Variants in TPD52L1 observed in about 807,000 individuals in gnomAD.
TPD52L1 encodes TPD52 like 1, also known as tumor protein D53.
In TPD52L1, 18 loss-of-function variants were observed where a neutral mutation model predicts 28.7. The observed-to-expected ratio is 0.63, with a 90% CI of 0.43 to 0.93. TPD52L1 has a LOEUF of 0.93. Ranked by LOEUF, TPD52L1 falls within the 40% of genes least tolerant of loss-of-function variation. The pLI is 0.00. For synonymous variants in TPD52L1, 75 were observed against 88.8 expected, an observed-to-expected ratio of 0.84 and a Z score of 0.88; for missense variants, 203 against 254.8, an observed-to-expected ratio of 0.80 and a Z score of 1.39.
intron 3 of TPD52L1, among the ~76,000 whole-genome samples, chr6:125,243,715 GT>G (rs1796756484): frequency 6.6e-6 from 1 of 151,858 alleles, no homozygotes; most frequent in East Asian, 1.9e-4. Context: ...TTTGTTTTAA[GT>G]TTCTTTAAGT....
chr6:125,223,470 A>G (rs1795390076), intron 2 of TPD52L1, among the ~76,000 whole-genome samples: 1 of 152,146 alleles, frequency 6.6e-6, no homozygotes. Context: ...GCACTTTGGG[A>G]GGCCGAGGTG....
intron 1 of TPD52L1, among the ~76,000 whole-genome samples, chr6:125,172,157 T>TTTTTCTTTC (rs1791423738): frequency 1.9e-5 from 1 of 54,010 alleles, no homozygotes; most frequent in Non-Finnish European, 3.4e-5. Context: ...TCTTTCTTTC[T>TTTTTCTTTC]TTTCTTTCTT....
At position 125,153,833 on chromosome 6, in the gene TPD52L1, G is replaced by T. The variant is rs113558011; in HGVS notation, c.-119G>T. On this transcript the variant is annotated 5_prime_UTR_variant, in exon 1 of 7. Transcript: ENST00000534000. ...CCCCTCCGCGCAGCGCTCGCGACAC[G>T]CGTGCCAGGAGTGGGAGCGAGCGGC... 3.3e-6 allele frequency: 4 copies of T among 1,194,986 alleles called. No individual in the cohort carries two copies. The highest frequency in any genetic ancestry group is 4.5e-6 in the Non-Finnish European group (4 of 883,278). 74.0% of individuals were successfully genotyped at this position (1,194,986 alleles called of 1,614,324 possible).
chr6:125,199,757 A>T (rs1029030928), intron 1 of TPD52L1, among the ~76,000 whole-genome samples: 1 of 152,262 alleles, frequency 6.6e-6, no homozygotes, highest in Non-Finnish European at 1.5e-5. Flanking sequence ...TAAATGTGCT[A>T]GAATTGAGCA....
intron 1 of TPD52L1, among the ~76,000 whole-genome samples, chr6:125,188,831 G>A (rs1792839098): frequency 6.6e-6 from 1 of 152,180 alleles, no homozygotes; most frequent in Non-Finnish European, 1.5e-5. Context: ...AGAGACAGTT[G>A]CTCAGTGAGG....
intron 6 of TPD52L1, chr6:125,261,445 T>G (rs952022334): frequency 6.6e-6 from 1 of 152,164 alleles, no homozygotes. Context: ...AATAGCAACA[T>G]TATTTATTCT....
chr6:125,208,128 A>T (rs1794269814), intron 1 of TPD52L1, among the ~76,000 whole-genome samples: 1 of 152,194 alleles, frequency 6.6e-6, no homozygotes, highest in Non-Finnish European at 1.5e-5. Context: ...TTTGGGCATG[A>T]CTCATAGAGA....
intron 1 of TPD52L1, among the ~76,000 whole-genome samples, chr6:125,180,558 T>C (rs904205078): frequency 2.8e-5 from 4 of 142,022 alleles, no homozygotes; most frequent in Non-Finnish European, 4.5e-5. Context: ...CACACACACA[T>C]ATATTATATA....
intron 1 of TPD52L1, among the ~76,000 whole-genome samples, chr6:125,159,602 C>A (rs1315288979): frequency 6.6e-6 from 1 of 152,188 alleles, no homozygotes; most frequent in Non-Finnish European, 1.5e-5. Context: ...TTAATGACAT[C>A]TAGAATGGTG....
At chr6:125,221,043 C>T (rs1795196144) in intron 2 of TPD52L1, among the ~76,000 whole-genome samples, 1 of 152,168 alleles carries the variant, frequency 6.6e-6, no homozygotes, top group South Asian at 2.1e-4. Flanking sequence ...GAGGACACAG[C>T]TCTGAGCTCC....
rs150530827 is a variant in TPD52L1 at position 125,164,679 on chromosome 6, C to T, written c.19+10709C>T. Among the ~76,000 whole-genome samples the T allele has an allele frequency of 9.1e-3, 1,379 of 151,132 alleles. 12 individuals carry two copies. The highest frequency in any genetic ancestry group is 0.022 in the South Asian group (103 of 4,624). On this transcript the variant is annotated intron_variant, in intron 1 of 6. Transcript: ENST00000534000. ...CTTGTTTACACGAATATGTTTTATTCATTTAACCATCTCCCAACCATACTA... is the reference window on the plus strand; with the variant it reads ...CTTGTTTACACGAATATGTTTTATTTATTTAACCATCTCCCAACCATACTA...
chr6:125,230,866 T>G (rs545201640), intron 3 of TPD52L1, among the ~76,000 whole-genome samples: 1 of 152,244 alleles, frequency 6.6e-6, no homozygotes, highest in African/African-American at 2.4e-5. Flanking sequence ...CTCCAGAAGT[T>G]AACCAACATT....
chr6:125,248,210 G>T, intron 3 of TPD52L1, 72 bp from the exon 4 acceptor site: 1 of 1,196,390 alleles, frequency 8.4e-7, no homozygotes. Flanking sequence ...TCAAAGTAAG[G>T]AGTGAGAAGG....
chr6:125,211,399 T>A (rs1455734586), intron 1 of TPD52L1, among the ~76,000 whole-genome samples: 1 of 152,052 alleles, frequency 6.6e-6, no homozygotes, highest in Non-Finnish European at 1.5e-5. Context: ...AAGACATAAT[T>A]GATTATGAAA....
At chr6:125,222,968 C>T (rs1795350802) in intron 2 of TPD52L1, among the ~76,000 whole-genome samples, 1 of 152,104 alleles carries the variant, frequency 6.6e-6, no homozygotes, top group Admixed American at 6.6e-5. Flanking sequence ...TGCTGTAATC[C>T]TATTAAATTT....
At chr6:125,211,264 T>C (rs1794478507) in intron 1 of TPD52L1, among the ~76,000 whole-genome samples, 1 of 88,224 alleles carries the variant, frequency 1.1e-5, no homozygotes, top group East Asian at 4.1e-4. Flanking sequence ...TGGATCTGTC[T>C]ATCTATCTAT....
intron 3 of TPD52L1, among the ~76,000 whole-genome samples, chr6:125,241,650 G>T (rs944183279): frequency 5.9e-5 from 9 of 151,950 alleles, no homozygotes; most frequent in Admixed American, 2.0e-4. Context: ...TTGTATTTCT[G>T]TGGTATCAGT....
intron 3 of TPD52L1, among the ~76,000 whole-genome samples, chr6:125,232,017 T>C (rs1389150385): frequency 6.6e-6 from 1 of 152,140 alleles, no homozygotes; most frequent in African/African-American, 2.4e-5. Flanking sequence ...GCACAATAAT[T>C]CGTTTTGGCT....
At chr6:125,257,701 T>C (rs1797686983) in intron 6 of TPD52L1, among the ~76,000 whole-genome samples, 2 of 152,180 alleles carry the variant, frequency 1.3e-5, no homozygotes, top group Admixed American at 6.5e-5. Flanking sequence ...AGTAATGCAT[T>C]TCATCCCTGG....
Sources: allele counts gnomAD v4.1 joint callset (sites outside exome capture counted in the v4.1 genomes callset), GRCh38; gene constraint gnomAD v4.1.1; transcripts MANE v1.5; gene names NCBI Gene and HGNC (gene_info 2026-07-23, HGNC 2026-07-21).